Variants in DLC1 observed in about 807,000 individuals in gnomAD.
DLC1 encodes the protein DLC1 Rho GTPase activating protein, also known as rho GTPase-activating protein 7.
Under a neutral mutation model 140.3 loss-of-function variants are expected in DLC1, and 54 were observed. The ratio of observed to expected loss-of-function variants is 0.38; its 90% CI spans 0.31 to 0.48. The LOEUF (loss-of-function observed/expected upper bound fraction) is 0.48, where lower values mean the gene tolerates loss of function less well. DLC1 is among the 20% of genes least tolerant of loss of function. The probability of loss-of-function intolerance (pLI) is 0.96; values close to 1 mark genes in which losing one functional copy is unlikely to be tolerated. For synonymous variants in DLC1, 986 were observed against 728.1 expected (o/e 1.35, Z -5.70); for missense variants, 2,536 against 1,907.0 (o/e 1.33, Z -6.14).
chr8:13,466,774 G>A (rs144164267), intron 2 of DLC1, among the ~76,000 whole-genome samples: 5 of 152,084 alleles, frequency 3.3e-5, no homozygotes, highest in African/African-American at 1.2e-4. Context: ...ATGTACATTA[G>A]ATTTTTTCAG....
intron 5 of DLC1, among the ~76,000 whole-genome samples, chr8:13,176,664 C>A (rs1016767918): frequency 3.3e-5 from 5 of 152,188 alleles, no homozygotes; most frequent in Non-Finnish European, 7.4e-5. Flanking sequence ...ACAGCCCCAG[C>A]TCCCCAGTGA....
intron 5 of DLC1, among the ~76,000 whole-genome samples, chr8:13,244,870 A>T (rs548125185): frequency 6.6e-6 from 1 of 152,168 alleles, no homozygotes; most frequent in East Asian, 1.9e-4. Flanking sequence ...ACACCTCTTC[A>T]CTCACTTTAA....
In DLC1 at chr8:13,306,220, A is replaced by G. The variant is rs145461428; in HGVS notation, c.1315-918T>C. On this transcript the variant is annotated intron_variant, in intron 4 of 17. Transcript: ENST00000276297. ...CTGATGTGAAAGATTTAGAAGCTCA[A>G]TCCCCAGCATTTATCACTGTTATGA... Among the ~76,000 whole-genome samples the G allele has an allele frequency of 7.0e-3, 1,065 of 152,316 alleles. 10 individuals carry two copies. The highest frequency in any genetic ancestry group is 0.012 in the Non-Finnish European group (814 of 68,034).
At chr8:13,281,217 A>G (rs1283140763) in intron 5 of DLC1, among the ~76,000 whole-genome samples, 1 of 152,186 alleles carries the variant, frequency 6.6e-6, no homozygotes, top group Non-Finnish European at 1.5e-5. Context: ...TGGCAATTTT[A>G]CTTGTTAATC....
At position 13,398,605 on chromosome 8, in the gene DLC1, C is replaced by CAAAAAA. The variant is rs55898759; in HGVS notation, c.1173+2859_1173+2864dup. On this transcript the variant is annotated intron_variant, in intron 3 of 17. Coordinates refer to ENST00000276297, the MANE Select transcript of DLC1 (RefSeq NM_182643.3). Reference sequence around the variant, plus strand: ...CAACATAGAGAAACCCCATCTCTACCAAAAAAAAAAAAAAAAAAAATTAGC... The same window carrying CAAAAAA: ...CAACATAGAGAAACCCCATCTCTACCAAAAAAAAAAAAAAAAAAAAAAAAAATTAGC... Among the ~76,000 whole-genome samples, 155 of 113,080 alleles carry CAAAAAA rather than the reference C, an allele frequency of 1.4e-3. 1 individual carries two copies. Among genetic ancestry groups the CAAAAAA allele is most frequent in the African/African-American group, 4.8e-3 (144 of 30,098 alleles). 74.2% of individuals were successfully genotyped at this position (113,080 alleles called of 152,430 possible). A position where few individuals can be genotyped will look rare whatever the true frequency, so the allele number is the denominator to read the frequency against.
intron 4 of DLC1, among the ~76,000 whole-genome samples, chr8:13,321,944 C>A (rs1333369952): frequency 6.6e-6 from 1 of 151,992 alleles, no homozygotes; most frequent in Non-Finnish European, 1.5e-5. Context: ...TTTTTAGTAT[C>A]TGGGTAAAAA....
chr8:13,527,543 A>C (rs1408001125), intron 1 of DLC1, among the ~76,000 whole-genome samples: 1 of 152,082 alleles, frequency 6.6e-6, no homozygotes, highest in Admixed American at 6.6e-5. Context: ...CTGTTGTTTT[A>C]TTCTTCTCTT....
In DLC1 at chr8:13,095,215, C is replaced by G. The variant is rs1195231221; in HGVS notation, c.3198G>C (p.Lys1066Asn). The G allele has an allele frequency of 6.2e-7, 1 of 1,614,240 alleles. No homozygotes were observed. Among genetic ancestry groups the G allele is most frequent in the South Asian group, 1.1e-5 (1 of 91,086 alleles). The stretch of plus-strand genomic sequence containing the variant: ...CACTCCGGTCCTTGTAGTCTGGAAC[C>G]TTGATCCTCTTCATGAACTTGGGCA... ...WAVPKFMKRI[K>N]VPDYKDRSVF... The change falls in exon 11 of 18, where the codon AAG becomes AAC. Residue 1066 changes from lysine (K) to asparagine (N), a missense_variant. Transcript: ENST00000276297.
chr8:13,284,324 C>T lies in DLC1; in HGVS notation c.1348+20945G>A, dbSNP rs1209819319. ...AGTGGATCACCTAACGTCAGGAGTTCGAGACCAGCCTGACCAACATGGTGA... is the reference window on the plus strand; with the variant it reads ...AGTGGATCACCTAACGTCAGGAGTTTGAGACCAGCCTGACCAACATGGTGA... On this transcript the variant is annotated intron_variant, in intron 5 of 17. Coordinates refer to ENST00000276297, the MANE Select transcript of DLC1 (RefSeq NM_182643.3). 3.3e-5 allele frequency among the ~76,000 whole-genome samples: 5 copies of T among 152,152 alleles called. No individual in the cohort carries two copies. In the East Asian group the frequency reaches 5.8e-4, roughly 18 times the overall value.
At chr8:13,508,868 A>G (rs759071823) in intron 1 of DLC1, among the ~76,000 whole-genome samples, 2 of 152,186 alleles carry the variant, frequency 1.3e-5, no homozygotes, top group Non-Finnish European at 2.9e-5. Flanking sequence ...TAATTCTGCA[A>G]ATAAATTCAT....
rs1817372987 is a variant in DLC1 at position 13,084,229 on chromosome 8, T to C, written c.*1582A>G. Reference sequence around the variant, plus strand: ...CTTACAAATCTGGAAGCCATCAAAATTGAATATCCATGTATATCTTCATGA... The same window carrying C: ...CTTACAAATCTGGAAGCCATCAAAACTGAATATCCATGTATATCTTCATGA... On this transcript the variant is annotated 3_prime_UTR_variant, in exon 18 of 18. Transcript: ENST00000276297. 6.6e-6 allele frequency: 1 copy of C among 152,622 alleles called. No homozygotes were observed. Among genetic ancestry groups the C allele is most frequent in the Non-Finnish European group, 1.5e-5 (1 of 68,030 alleles). 9.5% of individuals were successfully genotyped at this position (152,622 alleles called of 1,614,324 possible). A position where few individuals can be genotyped will look rare whatever the true frequency, so the allele number is the denominator to read the frequency against.
intron 1 of DLC1, among the ~76,000 whole-genome samples, chr8:13,521,968 T>C (rs529618601): frequency 6.6e-6 from 1 of 152,260 alleles, no homozygotes; most frequent in African/African-American, 2.4e-5. Context: ...AGCTGCACCT[T>C]TTTCTTCCCA....
intron 5 of DLC1, among the ~76,000 whole-genome samples, chr8:13,183,612 T>G (rs1826166927): frequency 1.3e-5 from 2 of 152,234 alleles, no homozygotes; most frequent in Admixed American, 6.5e-5. Flanking sequence ...ATGTGATGGA[T>G]TACGTTTATT....
chr8:13,424,596 G>T (rs1000915944), intron 2 of DLC1, among the ~76,000 whole-genome samples: 1 of 151,988 alleles, frequency 6.6e-6, no homozygotes, highest in Non-Finnish European at 1.5e-5. Flanking sequence ...TTTCTGAGAT[G>T]GAGTCTGGCT....
intron 5 of DLC1, among the ~76,000 whole-genome samples, chr8:13,258,859 C>T (rs768374784): frequency 3.9e-5 from 6 of 152,040 alleles, no homozygotes; most frequent in Non-Finnish European, 5.9e-5. Flanking sequence ...AAAATTAGGC[C>T]GGGCGCGGTG....
intron 5 of DLC1, among the ~76,000 whole-genome samples, chr8:13,191,951 A>G (rs1427231885): frequency 6.7e-6 from 1 of 148,936 alleles, no homozygotes; most frequent in Non-Finnish European, 1.5e-5. Flanking sequence ...TATTATTATT[A>G]TTATTATTTT....
At chr8:13,598,549 C>T (rs1805757635) in intron 1 of DLC1, among the ~76,000 whole-genome samples, 1 of 152,006 alleles carries the variant, frequency 6.6e-6, no homozygotes, top group Non-Finnish European at 1.5e-5. Flanking sequence ...CTCTTATGAT[C>T]TTGAAAACAT....
At chr8:13,401,353 A>G (rs1281557673) in intron 3 of DLC1, 117 bp downstream of exon 3, 6 of 1,322,464 alleles carry the variant, frequency 4.5e-6, no homozygotes, top group East Asian at 2.5e-5. Flanking sequence ...ATGGTACTGT[A>G]CTGGGGTTAC....
At chr8:13,375,581 T>A (rs1835940749) in intron 4 of DLC1, among the ~76,000 whole-genome samples, 1 of 152,172 alleles carries the variant, frequency 6.6e-6, no homozygotes, top group South Asian at 2.1e-4. Flanking sequence ...ATCCCTGTCT[T>A]GTGCCATTTT....
Sources: gnomAD v4.1 joint callset for allele counts (sites outside exome capture counted in the v4.1 genomes callset) on GRCh38, gnomAD v4.1.1 for gene constraint, MANE v1.5 for transcripts, NCBI Gene and HGNC (gene_info 2026-07-23, HGNC 2026-07-21) for gene names.